RNMT: variants seen among roughly 807,000 people sequenced by gnomAD.
RNMT encodes the protein RNA guanine-7 methyltransferase.
A neutral mutation model predicts 56.0 loss-of-function variants in RNMT; 27 were observed. The ratio of observed to expected loss-of-function variants is 0.48; its 90% CI spans 0.36 to 0.67. RNMT has a LOEUF of 0.67. Ranked by LOEUF, RNMT falls within the 30% of genes least tolerant of loss-of-function variation. The pLI is 0.00. For synonymous variants in RNMT, 184 were observed against 176.2 expected, an observed-to-expected ratio of 1.04 and a Z score of -0.35; for missense variants, 519 against 552.1, an observed-to-expected ratio of 0.94 and a Z score of 0.60.
At chr18:13,743,310 G>T (rs1380747777) in intron 8 of RNMT, among the ~76,000 whole-genome samples, 1 of 119,534 alleles carries the variant, frequency 8.4e-6, no homozygotes, top group Non-Finnish European at 1.7e-5. Context: ...GCGACAGAGC[G>T]AAACTCCGTC....
At chr18:13,728,368 C>G (rs1362677453) in intron 1 of RNMT, among the ~76,000 whole-genome samples, 1 of 121,868 alleles carries the variant, frequency 8.2e-6, no homozygotes, top group African/African-American at 3.3e-5. Context: ...CGGAGCCTTG[C>G]TCTGTCGCCC....
intron 11 of RNMT, among the ~76,000 whole-genome samples, chr18:13,756,710 A>G (rs1310896878): frequency 1.3e-5 from 2 of 152,222 alleles, no homozygotes; most frequent in African/African-American, 2.4e-5. Context: ...AAAAACTGCT[A>G]TGGTGTTCCT....
chr18:13,734,728 CTG>C lies in RNMT; in HGVS notation c.553+133_553+134del, dbSNP rs1405685375. ...TCTTCTAATATTTACTTTTGGTTGA[CTG>C]TGTAAGATTTTAATGAGTGTTTAAT... On this transcript the variant is annotated intron_variant, in intron 4 of 11. Transcript: ENST00000383314. The C allele has an allele frequency of 7.8e-6, 6 of 770,276 alleles. No individual in the cohort carries two copies. In the African/African-American group the frequency reaches 8.9e-5, roughly 11 times the overall value. 47.7% of individuals were successfully genotyped at this position (770,276 alleles called of 1,614,324 possible).
intron 10 of RNMT, among the ~76,000 whole-genome samples, chr18:13,752,908 C>T (rs1205362305): frequency 2.0e-5 from 3 of 152,136 alleles, no homozygotes; most frequent in Non-Finnish European, 4.4e-5. Flanking sequence ...TTGCTAATAT[C>T]TTAGAATATT....
chr18:13,730,424 C>T (rs909420969), intron 1 of RNMT: 3 of 152,202 alleles, frequency 2.0e-5, no homozygotes, highest in Non-Finnish European at 4.4e-5. Context: ...GAATCCCAAA[C>T]TTTTTCTGTT....
In RNMT at chr18:13,746,285, A is replaced by T. The variant is rs2149097348; in HGVS notation, c.1205A>T (p.Lys402Met). 6.3e-7 allele frequency: 1 copy of T among 1,576,908 alleles called. No homozygotes were observed. The highest frequency in any genetic ancestry group is 8.7e-7 in the Non-Finnish European group (1 of 1,154,520). The change falls in exon 9 of 12, where the codon AAG becomes ATG. Residue 402 changes from lysine (K) to methionine (M), a missense_variant. Lys to Met is a moderately conservative substitution (Grantham distance 95, BLOSUM62 -1). Transcript: ENST00000383314. ...KKTFLEFYEE[K>M]IKNNENKMLL... is the part of the protein sequence containing the mutation. ...ACATTTCTGGAATTCTACGAAGAAA[A>T]GATTAAGAACAATGAAAATAAAATG...
intron 8 of RNMT, among the ~76,000 whole-genome samples, chr18:13,745,055 C>T (rs779445735): frequency 4.6e-5 from 7 of 152,096 alleles, no homozygotes; most frequent in Non-Finnish European, 8.8e-5. Flanking sequence ...AAGAGGACAG[C>T]GTGTGTGAGG....
rs1157031972 is a variant in RNMT, at chr18:13,763,346, G to T, written c.*3367G>T. 1 of 334,846 alleles carries T rather than the reference G, an allele frequency of 3.0e-6. No homozygotes were observed. Among genetic ancestry groups the T allele is most frequent in the African/African-American group, 2.1e-5 (1 of 46,672 alleles). 20.7% of individuals were successfully genotyped at this position (334,846 alleles called of 1,614,324 possible). On this transcript the variant is annotated 3_prime_UTR_variant, in exon 12 of 12. Transcript: ENST00000383314. ...TCAGTTCTTCCCTCCCTCTCGTGCT[G>T]CTCAGTTTGTCCTCTGCTCCCATGT...
At chr18:13,753,589 G>A (rs1285163453) in intron 10 of RNMT, among the ~76,000 whole-genome samples, 1 of 151,918 alleles carries the variant, frequency 6.6e-6, no homozygotes, top group African/African-American at 2.4e-5. Context: ...GGCTGACACG[G>A]TGAAACCTCG....
chr18:13,741,237 A>G (rs1305595627), intron 6 of RNMT, among the ~76,000 whole-genome samples: 1 of 152,248 alleles, frequency 6.6e-6, no homozygotes, highest in Non-Finnish European at 1.5e-5. Context: ...CTGTCAAGTA[A>G]AGTGATGAAA....
intron 4 of RNMT, among the ~76,000 whole-genome samples, chr18:13,736,554 A>G (rs1380028875): frequency 1.3e-5 from 2 of 150,504 alleles, no homozygotes; most frequent in Admixed American, 6.6e-5. Context: ...TTTGATAATC[A>G]GGCTCTTTTA....
intron 1 of RNMT, among the ~76,000 whole-genome samples, chr18:13,729,579 G>T (rs781467423): frequency 6.6e-6 from 1 of 152,032 alleles, no homozygotes; most frequent in African/African-American, 2.4e-5. Flanking sequence ...TTTCTGATTT[G>T]TTGTTGTTGT....
intron 4 of RNMT, 99 bp from the exon 5 acceptor site, chr18:13,736,911 C>T (rs933533149): frequency 3.9e-6 from 4 of 1,013,448 alleles, no homozygotes; most frequent in South Asian, 1.7e-5. Context: ...GTTTATGTTA[C>T]ATATTGGGCA....
At chr18:13,728,195 A>G (rs1233752314) in intron 1 of RNMT, among the ~76,000 whole-genome samples, 1 of 151,222 alleles carries the variant, frequency 6.6e-6, no homozygotes, top group Non-Finnish European at 1.5e-5. Flanking sequence ...AAGAACCTCC[A>G]TCATACTTTT....
chr18:13,734,743 A>G, intron 4 of RNMT, 144 bp downstream of exon 4: 2 of 663,854 alleles, frequency 3.0e-6, no homozygotes, highest in Admixed American at 6.8e-5. Context: ...TAAGATTTTA[A>G]TGAGTGTTTA....
chr18:13,730,402 A>G (rs2044046931), intron 1 of RNMT: 1 of 152,224 alleles, frequency 6.6e-6, no homozygotes, highest in Non-Finnish European at 1.5e-5. Context: ...CGATTTCAGA[A>G]TTCTTGCTGT....
In RNMT at chr18:13,741,498, A is replaced by G. The variant is rs199886400; in HGVS notation, c.793-12A>G. The G allele has an allele frequency of 1.6e-5, 26 of 1,600,332 alleles. No individual in the cohort carries two copies. The East Asian group carries it at 4.9e-4, about 30-fold the overall frequency. On this transcript the variant is annotated splice_polypyrimidine_tract_variant and intron_variant, in intron 6 of 11. Transcript: ENST00000383314. ...TTACCTCACAATCTTAACTCATTTT[A>G]ATTTGTTTCAGGAACTTCTGATTGA... is the stretch of plus-strand genomic sequence containing the variant.
At chr18:13,728,116 C>T (rs1433687325) in intron 1 of RNMT, among the ~76,000 whole-genome samples, 1 of 152,074 alleles carries the variant, frequency 6.6e-6, no homozygotes, top group Non-Finnish European at 1.5e-5. Flanking sequence ...GTTCATCGGA[C>T]AGGGGATTAA....
At position 13,761,632 on chromosome 18, in the gene RNMT, C is replaced by T. The variant is rs1407251765; in HGVS notation, c.*1653C>T. ...CAGTGGTAATACAAAGCAGGGAGAA[C>T]AGAAAGGTAGAGTTACTAAGGCCTT... On this transcript the variant is annotated 3_prime_UTR_variant, in exon 12 of 12. Transcript: ENST00000383314. 3.0e-6 allele frequency: 3 copies of T among 1,001,914 alleles called. No homozygotes were observed. The African/African-American group carries it at 5.2e-5, about 17-fold the overall frequency. 62.1% of individuals were successfully genotyped at this position (1,001,914 alleles called of 1,614,324 possible).
Sources: allele counts gnomAD v4.1 joint callset (sites outside exome capture counted in the v4.1 genomes callset), GRCh38; gene constraint gnomAD v4.1.1; transcripts MANE v1.5; gene names NCBI Gene and HGNC (gene_info 2026-07-23, HGNC 2026-07-21).